Variants in CEP120 observed in about 807,000 individuals in gnomAD.
The protein encoded by CEP120 is centrosomal protein of 120 kDa.
In CEP120, 113 loss-of-function variants were observed where a neutral mutation model predicts 126.5. That is an observed-to-expected ratio of 0.89 (90% confidence interval 0.77 to 1.04). The LOEUF is 1.04. Ranked by LOEUF, CEP120 falls within the 50% of genes least tolerant of loss-of-function variation. CEP120 has a pLI of 0.00. For synonymous variants in CEP120, 400 were observed against 394.3 expected (o/e 1.01, Z -0.17); for missense variants, 1,230 against 1,155.7 (o/e 1.06, Z -0.93).
chr5:123,403,648 A>G, intron 4 of CEP120: 1 of 371,948 alleles, frequency 2.7e-6, no homozygotes, highest in South Asian at 2.1e-5. Context: ...TAATCAAGTA[A>G]TCAAAGTTAG....
At chr5:123,400,626 C>A (rs1204204934) in intron 4 of CEP120, among the ~76,000 whole-genome samples, 1 of 138,900 alleles carries the variant, frequency 7.2e-6, no homozygotes, top group Non-Finnish European at 1.5e-5. Flanking sequence ...CATATATATA[C>A]ACATAAATAC....
intron 4 of CEP120, among the ~76,000 whole-genome samples, chr5:123,405,973 C>T (rs1773618746): frequency 6.6e-6 from 1 of 151,804 alleles, no homozygotes; most frequent in Non-Finnish European, 1.5e-5. Flanking sequence ...CATACAAGAA[C>T]AGAGAGATAA....
chr5:123,405,901 C>T (rs1208193687), intron 4 of CEP120, among the ~76,000 whole-genome samples: 1 of 151,532 alleles, frequency 6.6e-6, no homozygotes, highest in Non-Finnish European at 1.5e-5. Flanking sequence ...ATTATCAAAA[C>T]AGAAAAAATT....
chr5:123,383,168 G>T (rs924818819), intron 11 of CEP120, 86 bp from the exon 12 acceptor site: 1 of 777,234 alleles, frequency 1.3e-6, no homozygotes. Flanking sequence ...TTTAGCAATG[G>T]GAAGTAAGCA....
rs1768740526 is a variant in CEP120 at position 123,345,422 on chromosome 5, A to T, written c.*1097T>A. The T allele has an allele frequency of 6.6e-6, 1 of 152,188 alleles. No individual in the cohort carries two copies. The highest frequency in any genetic ancestry group is 2.4e-5 in the African/African-American group (1 of 41,452). 9.4% of individuals were successfully genotyped at this position (152,188 alleles called of 1,614,324 possible). On this transcript the variant is annotated 3_prime_UTR_variant, in exon 20 of 20. Transcript: ENST00000306467. ...CTTCCTAAAGTATATACTTAATTTT[A>T]ACTTTATTATATTTGGAAATCAGAA... is the stretch of plus-strand genomic sequence containing the variant.
At position 123,386,621 on chromosome 5, in the gene CEP120, G is replaced by A; in HGVS notation, c.1477C>T (p.Pro493Ser). The A allele has an allele frequency of 3.9e-6, 6 of 1,550,086 alleles. No individual in the cohort carries two copies. Among genetic ancestry groups the A allele is most frequent in the South Asian group, 1.2e-5 (1 of 86,822 alleles). The change falls in exon 10 of 20, where the codon CCT becomes TCT. Residue 493 changes from proline to serine, a missense_variant. Physicochemically the swap from Pro to Ser is moderately conservative, Grantham distance 74. Transcript: ENST00000306467. Reference sequence around the variant, plus strand: ...ATGTTTTTCCGAACTTCTACAGGAGGATTAGTCATAATAGGAGCTGCACTT... The same window carrying A: ...ATGTTTTTCCGAACTTCTACAGGAGAATTAGTCATAATAGGAGCTGCACTT... ...FGSAAPIMTNPPVEVRKNMEV... is the reference protein window; with the variant it reads ...FGSAAPIMTNSPVEVRKNMEV...
At chr5:123,380,966 A>AT (rs1562036958) in intron 14 of CEP120, among the ~76,000 whole-genome samples, 1 of 151,998 alleles carries the variant, frequency 6.6e-6, no homozygotes, top group Non-Finnish European at 1.5e-5. Flanking sequence ...AAATACTCTT[A>AT]TTTTTGTCTT....
intron 17 of CEP120, among the ~76,000 whole-genome samples, chr5:123,366,738 A>C (rs1219737142): frequency 1.3e-5 from 2 of 151,812 alleles, no homozygotes; most frequent in Non-Finnish European, 2.9e-5. Context: ...TCTATCTACT[A>C]ATCTTGTAAA....
chr5:123,385,414 C>T (rs1771953142), intron 10 of CEP120, among the ~76,000 whole-genome samples: 1 of 152,074 alleles, frequency 6.6e-6, no homozygotes, highest in Non-Finnish European at 1.5e-5. Context: ...TACCTTTGTC[C>T]AACTGCCTAC....
rs1562047830 is a variant in CEP120 at position 123,386,675 on chromosome 5, T to TAAAAAAAAAAAAAAAAAAAAAAAAAAAAA, written c.1431-9_1431-8insTTTTTTTTTTTTTTTTTTTTTTTTTTTTT. The TAAAAAAAAAAAAAAAAAAAAAAAAAAAAA allele has an allele frequency of 9.3e-6, 6 of 641,786 alleles. 3 individuals are homozygous for TAAAAAAAAAAAAAAAAAAAAAAAAAAAAA. Among genetic ancestry groups the TAAAAAAAAAAAAAAAAAAAAAAAAAAAAA allele is most frequent in the Non-Finnish European group, 1.2e-5 (6 of 506,054 alleles). The allele number at this position is 641,786 out of a possible 1,614,324, so 39.8% of individuals were successfully genotyped here. A position where few individuals can be genotyped will look rare whatever the true frequency, so the allele number is the denominator to read the frequency against. ...AAGAATGGATATGAGTACCTAGAAT[T>TAAAAAAAAAAAAAAAAAAAAAAAAAAAAA]TAAAAAAAAAAAAAAAAAAAAAAGC... On this transcript the variant is annotated splice_polypyrimidine_tract_variant and intron_variant, in intron 9 of 19. Transcript: ENST00000306467.
At chr5:123,366,620 A>G (rs1770478855) in intron 17 of CEP120, among the ~76,000 whole-genome samples, 1 of 151,794 alleles carries the variant, frequency 6.6e-6, no homozygotes, top group African/African-American at 2.4e-5. Flanking sequence ...ATATTTTCAA[A>G]TTCTATTCCT....
At chr5:123,413,796 TG>T (rs1207820045) in intron 3 of CEP120, among the ~76,000 whole-genome samples, 1 of 152,200 alleles carries the variant, frequency 6.6e-6, no homozygotes, top group Non-Finnish European at 1.5e-5. Flanking sequence ...TAATACAGTT[TG>T]TTGATGTATT....
At chr5:123,422,413 G>C in intron 1 of CEP120, 1 of 1,102,788 alleles carries the variant, frequency 9.1e-7, no homozygotes, top group Non-Finnish European at 1.3e-6. Context: ...TCCCAGCACA[G>C]TGTCTGACAC....
At chr5:123,395,989 C>CTTTTT (rs67492630) in intron 5 of CEP120, among the ~76,000 whole-genome samples, 2 of 129,998 alleles carry the variant, frequency 1.5e-5, no homozygotes, top group Non-Finnish European at 3.2e-5. Context: ...GTCTCCATTC[C>CTTTTT]TTTTTTTTTT....
chr5:123,419,389 T>A (rs1774572863), intron 1 of CEP120, among the ~76,000 whole-genome samples: 3 of 152,012 alleles, frequency 2.0e-5, no homozygotes, highest in South Asian at 4.1e-4. Context: ...CTACTAAAAA[T>A]GCAAAAAATT....
Position 123,412,408 on chromosome 5 carries a change from C to T in CEP120, c.454G>A (p.Asp152Asn). The change falls in exon 4 of 20, where the codon GAT becomes AAT. Residue 152 changes from aspartate (D) to asparagine (N), a missense_variant. Asp to Asn is a conservative substitution (Grantham distance 23). Transcript: ENST00000306467. ...GAGATGATGCACAAACCTTTTCCAT[C>T]TCGAGGGGGAGCCCCCTTTGCTTTA... ...SFKAKGAPPR[D>N]GKVPAILAGL... 5 of 1,600,346 alleles carry T rather than the reference C, an allele frequency of 3.1e-6. No homozygotes were observed. The highest frequency in any genetic ancestry group is 4.3e-6 in the Non-Finnish European group (5 of 1,175,854).
chr5:123,357,436 T>C (rs1769722131), intron 18 of CEP120, among the ~76,000 whole-genome samples: 1 of 152,164 alleles, frequency 6.6e-6, no homozygotes, highest in Non-Finnish European at 1.5e-5. Flanking sequence ...AATACATTTC[T>C]TCATCATATC....
At chr5:123,392,569 G>T (rs560519091) in intron 6 of CEP120, among the ~76,000 whole-genome samples, 2 of 152,226 alleles carry the variant, frequency 1.3e-5, no homozygotes, top group Admixed American at 1.3e-4. Context: ...GGAGTACACT[G>T]GTGTGATCAT....
At chr5:123,412,373 A>T (rs202102226) in intron 4 of CEP120, 26 bp downstream of exon 4, 4 of 1,582,018 alleles carry the variant, frequency 2.5e-6, no homozygotes, top group Non-Finnish European at 3.4e-6. Flanking sequence ...CTTCTCAGAG[A>T]ATGTTTTTAG....
Sources: allele counts gnomAD v4.1 joint callset (sites outside exome capture counted in the v4.1 genomes callset), GRCh38; gene constraint gnomAD v4.1.1; transcripts MANE v1.5; gene names NCBI Gene and HGNC (gene_info 2026-07-23, HGNC 2026-07-21).